RPUSD4: variants seen among roughly 807,000 people sequenced by gnomAD.
RPUSD4 encodes RNA pseudouridine synthase D4, also known as pseudouridylate synthase RPUSD4, mitochondrial.
RPUSD4 carries 37 observed loss-of-function variants against 35.4 expected under a neutral mutation model. The ratio of observed to expected loss-of-function variants is 1.04; its 90% CI spans 0.80 to 1.37. The LOEUF is 1.37. Ranked by LOEUF, RPUSD4 falls within the 40% of genes most tolerant of loss-of-function variation. The pLI is 0.00. For missense variants in RPUSD4, 507 were observed against 484.9 expected (o/e 1.05, Z -0.43); for synonymous variants, 210 against 192.7 (o/e 1.09, Z -0.74).
Position 126,203,350 on chromosome 11 carries a change from C to A in RPUSD4, c.*68G>T, listed in dbSNP as rs1949733032. 1.3e-6 allele frequency: 2 copies of A among 1,576,854 alleles called. No individual in the cohort carries two copies. The highest frequency in any genetic ancestry group is 1.7e-6 in the Non-Finnish European group (2 of 1,166,248). On this transcript the variant is annotated 3_prime_UTR_variant, in exon 7 of 7. Coordinates refer to ENST00000298317, the MANE Select transcript of RPUSD4 (RefSeq NM_032795.3). The stretch of plus-strand genomic sequence containing the variant: ...AGAACAGTTCAGGGGCCAACCTGCG[C>A]TCCCAGGTGCCAGGATGCTCTCAGG...
At chr11:126,209,828 A>G in intron 2 of RPUSD4, 106 bp from the exon 3 acceptor site, 1 of 918,784 alleles carries the variant, frequency 1.1e-6, no homozygotes, top group Non-Finnish European at 1.7e-6. Flanking sequence ...TATTTTCTAG[A>G]GCCTTACTAC....
intron 2 of RPUSD4, among the ~76,000 whole-genome samples, chr11:126,210,528 C>T (rs368597261): frequency 1.1e-4 from 14 of 121,874 alleles, no homozygotes; most frequent in Non-Finnish European, 1.6e-4. Flanking sequence ...CATACACACA[C>T]ACACACACAC....
chr11:126,211,221 C>A, intron 1 of RPUSD4, 166 bp from the exon 2 acceptor site: 1 of 943,186 alleles, frequency 1.1e-6, no homozygotes, highest in Non-Finnish European at 1.6e-6. Context: ...GTCTAACCTG[C>A]GTACCGACGC....
Position 126,209,626 on chromosome 11 carries a change from C to T in RPUSD4, c.452G>A (p.Arg151Gln), listed in dbSNP as rs747258948. ...HKAEPLHLCH[R>Q]LDKETTGVMV... ...TACACCTGTGGTTTCCTTGTCCAGC[C>T]GGTGGCACAGATGCAAGGGCTCTGC... The change falls in exon 3 of 7, where the codon CGG (arginine) becomes CAG (glutamine). Residue 151 changes from arginine to glutamine, a missense_variant. Transcript: ENST00000298317. The T allele has an allele frequency of 6.8e-6, 11 of 1,614,058 alleles. No homozygotes were observed. Among genetic ancestry groups the T allele is most frequent in the South Asian group, 3.3e-5 (3 of 91,090 alleles).
In RPUSD4 at chr11:126,208,462, C is replaced by T. The variant is rs1329851204; in HGVS notation, c.557+1059G>A. Reference sequence around the variant, plus strand: ...TAACTCTGGAAGTTTACAGAAGACACCAGTCACAGCGATTGACGCTGGGGA... The same window carrying T: ...TAACTCTGGAAGTTTACAGAAGACATCAGTCACAGCGATTGACGCTGGGGA... On this transcript the variant is annotated intron_variant, in intron 3 of 6. Transcript: ENST00000298317. 3.9e-5 allele frequency: 6 copies of T among 152,192 alleles called. 1 individual carries two copies. Among genetic ancestry groups the T allele is most frequent in the Admixed American group, 3.3e-4 (5 of 15,280 alleles). 9.4% of individuals were successfully genotyped at this position (152,192 alleles called of 1,614,324 possible).
rs558487741 is a variant in RPUSD4, at chr11:126,211,450, C to T, written c.189G>A (p.Pro63=). Reference sequence around the variant, plus strand: ...GGAGTTCTGGTCCCTTTGGACTCACCGGCTCCTTCTTTGTGTCTTGTTCCC... The same window carrying T: ...GGAGTTCTGGTCCCTTTGGACTCACTGGCTCCTTCTTTGTGTCTTGTTCCC... ...QKREQDTKKE[P]VSTNAVQRRV... The change falls in exon 1 of 7, where the codon CCG becomes CCA. Residue 63 remains proline, a splice_region_variant and synonymous_variant. Coordinates refer to ENST00000298317, the MANE Select transcript of RPUSD4 (RefSeq NM_032795.3). 4 of 1,611,060 alleles carry T rather than the reference C, an allele frequency of 2.5e-6. No individual in the cohort carries two copies. Among genetic ancestry groups the T allele is most frequent in the Non-Finnish European group, 3.4e-6 (4 of 1,178,458 alleles).
chr11:126,210,076 T>G (rs961632142), intron 2 of RPUSD4, among the ~76,000 whole-genome samples: 1 of 152,224 alleles, frequency 6.6e-6, no homozygotes, highest in Non-Finnish European at 1.5e-5. Flanking sequence ...ATTAGGAGGA[T>G]AGACTTCGGG....
chr11:126,209,013 A>T (rs988616660), intron 3 of RPUSD4: 1 of 152,170 alleles, frequency 6.6e-6, no homozygotes, highest in East Asian at 1.9e-4. Context: ...TTCTTTAGAG[A>T]CAGGATCTCA....
intron 5 of RPUSD4, 151 bp downstream of exon 5, chr11:126,205,317 C>G (rs545293941): frequency 1.1e-6 from 1 of 874,306 alleles, no homozygotes; most frequent in South Asian, 1.7e-5. Flanking sequence ...TAGCCACAAC[C>G]ATCTCTCTGG....
intron 1 of RPUSD4, 171 bp from the exon 2 acceptor site, chr11:126,211,226 C>G: frequency 2.1e-6 from 2 of 935,408 alleles, no homozygotes; most frequent in Non-Finnish European, 1.6e-6. Flanking sequence ...ACCTGCGTAC[C>G]GACGCAGTGG....
chr11:126,211,086 C>T (rs747494822), intron 1 of RPUSD4, 31 bp from the exon 2 acceptor site: 1 of 1,608,268 alleles, frequency 6.2e-7, no homozygotes, highest in Non-Finnish European at 8.5e-7. Context: ...GTGGGGAATG[C>T]CTGGTGCGGA....
Position 126,203,310 on chromosome 11 carries a change from G to A in RPUSD4, c.*108C>T. ...GTCTGTTCCAAGTGAGAAGTTAGCA[G>A]AGTCCTGTAAACAAAGAACAGTTCA... is the stretch of plus-strand genomic sequence containing the variant. On this transcript the variant is annotated 3_prime_UTR_variant, in exon 7 of 7. Transcript: ENST00000298317. 6.7e-7 allele frequency: 1 copy of A among 1,495,426 alleles called. No individual in the cohort carries two copies. The highest frequency in any genetic ancestry group is 9.0e-7 in the Non-Finnish European group (1 of 1,108,980). 92.6% of individuals were successfully genotyped at this position (1,495,426 alleles called of 1,614,324 possible).
At position 126,211,630 on chromosome 11, in the gene RPUSD4, C is replaced by A. The variant is rs746968415; in HGVS notation, c.9G>T (p.Ala3=). 5 of 1,612,508 alleles carry A rather than the reference C, an allele frequency of 3.1e-6. No individual in the cohort carries two copies. The highest frequency in any genetic ancestry group is 4.2e-6 in the Non-Finnish European group (5 of 1,179,558). Residue 3 remains alanine (A), a synonymous_variant, in exon 1 of 7, where the codon GCG becomes GCT. Coordinates refer to ENST00000298317, the MANE Select transcript of RPUSD4 (RefSeq NM_032795.3). MA[A]PRWSASGPWI... ...AGGGGCCCGACGCGCTCCACCTGGG[C>A]GCCGCCATCTTACAAGGAAGGGCGG...
chr11:126,203,708 T>C (rs1949738896), intron 6 of RPUSD4, 51 bp from the exon 7 acceptor site: 1 of 1,571,850 alleles, frequency 6.4e-7, no homozygotes. Context: ...AGTCCACCCT[T>C]GACGAACATG....
At chr11:126,209,778 C>T in intron 2 of RPUSD4, 56 bp from the exon 3 acceptor site, 1 of 1,468,236 alleles carries the variant, frequency 6.8e-7, no homozygotes, top group Admixed American at 1.8e-5. Flanking sequence ...CGCCAAAGAA[C>T]TCTCCTTGGG....
chr11:126,208,193 G>A (rs1275629476), intron 3 of RPUSD4, among the ~76,000 whole-genome samples: 3 of 152,102 alleles, frequency 2.0e-5, no homozygotes, highest in East Asian at 1.9e-4. Context: ...TCAGCCCAGC[G>A]ATTCAATTTT....
intron 2 of RPUSD4, among the ~76,000 whole-genome samples, chr11:126,210,282 T>C (rs574008240): frequency 6.6e-6 from 1 of 152,342 alleles, no homozygotes; most frequent in African/African-American, 2.4e-5. Context: ...CACTTGGTGA[T>C]GTGATTTAAT....
In RPUSD4 at chr11:126,204,346, GAGAA is replaced by G. The variant is rs200813827; in HGVS notation, c.797-22_797-19del. On this transcript the variant is annotated intron_variant, in intron 5 of 6. Transcript: ENST00000298317. ...TTTTATTCCTTAAAAGAGAGAGAGA[GAGAA>G]AGAGAGAAAACTCGTGAGGAGCTAC... The G allele has an allele frequency of 1.4e-3, 2,133 of 1,572,162 alleles. 19 individuals carry two copies. In the African/African-American group the frequency reaches 0.026, roughly 19 times the overall value.
chr11:126,206,749 T>C (rs990305015), intron 3 of RPUSD4, among the ~76,000 whole-genome samples: 3 of 152,176 alleles, frequency 2.0e-5, no homozygotes, highest in Admixed American at 6.5e-5. Context: ...TGGTGGTCGG[T>C]TGTATAATCA....
Sources: gnomAD v4.1 joint callset for allele counts (sites outside exome capture counted in the v4.1 genomes callset) on GRCh38, gnomAD v4.1.1 for gene constraint, MANE v1.5 for transcripts, NCBI Gene and HGNC (gene_info 2026-07-23, HGNC 2026-07-21) for gene names.